MLLT3: variants seen among roughly 807,000 people sequenced by gnomAD.
The protein encoded by MLLT3 is protein AF-9.
In MLLT3, 4 loss-of-function variants were observed where a neutral mutation model predicts 53.2. That is an observed-to-expected ratio of 0.08 (90% CI 0.04 to 0.17). The LOEUF (loss-of-function observed/expected upper bound fraction) is 0.17, where lower values mean the gene tolerates loss of function less well. Ranked by LOEUF, MLLT3 falls within the 10% of genes least tolerant of loss-of-function variation. The pLI, the probability that MLLT3 is intolerant of heterozygous loss-of-function variation, is 1.00. For synonymous variants in MLLT3, 283 were observed against 230.6 expected, an observed-to-expected ratio of 1.23 and a Z score of -2.06; for missense variants, 569 against 684.0, an observed-to-expected ratio of 0.83 and a Z score of 1.87.
chr9:20,558,604 G>C (rs1819122400), intron 2 of MLLT3, among the ~76,000 whole-genome samples: 1 of 152,174 alleles, frequency 6.6e-6, no homozygotes. Flanking sequence ...ACTCAGCTGA[G>C]ATATTTGTGT....
intron 10 of MLLT3, among the ~76,000 whole-genome samples, chr9:20,348,407 T>G (rs1820931387): frequency 6.6e-6 from 1 of 152,218 alleles, no homozygotes; most frequent in South Asian, 2.1e-4. Context: ...ATCTTTTGCC[T>G]TCTTTCCTTC....
intron 5 of MLLT3, among the ~76,000 whole-genome samples, chr9:20,396,745 A>G (rs1047439981): frequency 6.6e-6 from 1 of 152,112 alleles, no homozygotes; most frequent in African/African-American, 2.4e-5. Flanking sequence ...AAATGCATGC[A>G]GGAAGTGAGG....
At chr9:20,608,517 A>T (rs555442265) in intron 2 of MLLT3, among the ~76,000 whole-genome samples, 3 of 151,948 alleles carry the variant, frequency 2.0e-5, no homozygotes, top group Non-Finnish European at 4.4e-5. Flanking sequence ...CATTACTTTT[A>T]TAACTTCAAT....
intron 1 of MLLT3, chr9:20,622,016 AGTGTGAGC>A: frequency 8.7e-7 from 1 of 1,149,240 alleles, no homozygotes; most frequent in Non-Finnish European, 1.1e-6. Context: ...TGGAGGGGCG[AGTGTGAGC>A]GTGTGTGAGT....
intron 5 of MLLT3, among the ~76,000 whole-genome samples, chr9:20,398,492 A>G (rs1290645906): frequency 6.6e-6 from 1 of 152,176 alleles, no homozygotes; most frequent in Non-Finnish European, 1.5e-5. Flanking sequence ...ATGCAACCTG[A>G]GGACACAGAA....
chr9:20,407,834 T>C (rs537377241), intron 5 of MLLT3, among the ~76,000 whole-genome samples: 23 of 152,202 alleles, frequency 1.5e-4, no homozygotes, highest in East Asian at 9.6e-4. Flanking sequence ...GTTAAGTACA[T>C]AGAAGGGTGA....
At chr9:20,417,065 G>T in intron 4 of MLLT3, among the ~76,000 whole-genome samples, 1 of 151,592 alleles carries the variant, frequency 6.6e-6, no homozygotes, top group African/African-American at 2.4e-5. Flanking sequence ...CTTGTCACCA[G>T]TCTCCATGTT....
chr9:20,455,886 T>C (rs976600041), intron 3 of MLLT3, among the ~76,000 whole-genome samples: 5 of 151,890 alleles, frequency 3.3e-5, no homozygotes, highest in African/African-American at 9.7e-5. Context: ...TGTCTGGTAT[T>C]ATACAGTCTG....
At chr9:20,405,767 C>A (rs751857622) in intron 5 of MLLT3, among the ~76,000 whole-genome samples, 10 of 152,154 alleles carry the variant, frequency 6.6e-5, no homozygotes, top group Non-Finnish European at 1.3e-4. Flanking sequence ...ACTATTTACA[C>A]AATTTGTCAT....
intron 2 of MLLT3, among the ~76,000 whole-genome samples, chr9:20,506,467 C>CT (rs201323190): frequency 4.9e-4 from 72 of 146,468 alleles, no homozygotes; most frequent in Middle Eastern, 7.0e-3. Context: ...CAAGTAAATG[C>CT]TTTTTTTTTT....
intron 5 of MLLT3, among the ~76,000 whole-genome samples, chr9:20,391,385 G>GGTA (rs1822176216): frequency 6.6e-6 from 1 of 152,150 alleles, no homozygotes; most frequent in Non-Finnish European, 1.5e-5. Flanking sequence ...AGGTAAACAA[G>GGTA]GTAGTAACCC....
intron 3 of MLLT3, among the ~76,000 whole-genome samples, chr9:20,451,663 G>A (rs1341712598): frequency 2.6e-5 from 4 of 152,182 alleles, no homozygotes; most frequent in East Asian, 3.8e-4. Context: ...AAGTTCAAAT[G>A]AGAAAGCATG....
At position 20,448,968 on chromosome 9, in the gene MLLT3, T is replaced by C. The variant is rs1823774974; in HGVS notation, c.277-702A>G. 6.6e-6 allele frequency among the ~76,000 whole-genome samples: 1 copy of C among 152,152 alleles called. No homozygotes were observed. Among genetic ancestry groups the C allele is most frequent in the Non-Finnish European group, 1.5e-5 (1 of 68,018 alleles). ...TTCCCAGTACCTACTGTGTTCTAGGTTACCTCTGGTTTCATTCTTGCTTTG... is the reference window on the plus strand; with the variant it reads ...TTCCCAGTACCTACTGTGTTCTAGGCTACCTCTGGTTTCATTCTTGCTTTG... On this transcript the variant is annotated intron_variant, in intron 3 of 10. Coordinates refer to ENST00000380338, the MANE Select transcript of MLLT3 (RefSeq NM_004529.4). The surrounding 1 kb of genome is among the most constrained non-coding windows in gnomAD (Gnocchi z 4.0).
chr9:20,519,094 A>G (rs1204954792), intron 2 of MLLT3, among the ~76,000 whole-genome samples: 1 of 152,244 alleles, frequency 6.6e-6, no homozygotes, highest in East Asian at 1.9e-4. Context: ...AGAAATTTAG[A>G]TTACTCTTTA....
intron 2 of MLLT3, among the ~76,000 whole-genome samples, chr9:20,515,769 T>C (rs922442387): frequency 6.6e-6 from 1 of 152,138 alleles, no homozygotes; most frequent in Non-Finnish European, 1.5e-5. Flanking sequence ...GCCGGAGTCA[T>C]AACAGGCAGC....
At chr9:20,476,641 T>C (rs1055552437) in intron 2 of MLLT3, among the ~76,000 whole-genome samples, 15 of 152,130 alleles carry the variant, frequency 9.9e-5, no homozygotes, top group African/African-American at 3.6e-4. Flanking sequence ...TGGTACCTGG[T>C]TGAGATTCCT....
chr9:20,614,731 T>G (rs1319121997), intron 2 of MLLT3, among the ~76,000 whole-genome samples: 2 of 152,174 alleles, frequency 1.3e-5, no homozygotes, highest in African/African-American at 4.8e-5. Context: ...TTTCCCAGCT[T>G]CTATGACATC....
intron 5 of MLLT3, among the ~76,000 whole-genome samples, chr9:20,370,064 T>G (rs566995564): frequency 6.6e-5 from 10 of 152,230 alleles, no homozygotes; most frequent in African/African-American, 2.4e-4. Context: ...TCTAACCACA[T>G]GCTTACCTGA....
At chr9:20,511,680 A>G (rs867149782) in intron 2 of MLLT3, among the ~76,000 whole-genome samples, 1 of 152,170 alleles carries the variant, frequency 6.6e-6, no homozygotes, top group African/African-American at 2.4e-5. Flanking sequence ...TCCCTAAGAA[A>G]ATATGTAAGA....
Sources: gnomAD v4.1 joint callset for allele counts (sites outside exome capture counted in the v4.1 genomes callset) on GRCh38, gnomAD v4.1.1 for gene constraint, Gnocchi (gnomAD v3.1) non-coding constraint, MANE v1.5 for transcripts, NCBI Gene and HGNC (gene_info 2026-07-23, HGNC 2026-07-21) for gene names.